NOC2L: variants seen among roughly 807,000 people sequenced by gnomAD.
The protein encoded by NOC2L is NOC2 like nucleolar associated transcriptional repressor.
In NOC2L, 101 loss-of-function variants were observed where a neutral mutation model predicts 94.2. The ratio of observed to expected loss-of-function variants is 1.07; its 90% CI spans 0.91 to 1.26. NOC2L has a LOEUF of 1.26. Among genes scored for constraint, NOC2L ranks in the 50% most tolerant of loss-of-function variants. The pLI is 0.00. For missense variants in NOC2L, 1,076 were observed against 980.1 expected (o/e 1.10, Z -1.31); for synonymous variants, 531 against 413.4 (o/e 1.28, Z -3.45).
chr1:954,193 A>AC lies in NOC2L; in HGVS notation c.699-112dup, dbSNP rs573038640. The AC allele has an allele frequency of 6.8e-4, 650 of 954,052 alleles. 5 individuals carry two copies. In the African/African-American group the frequency reaches 9.2e-3, roughly 14 times the overall value. The allele number at this position is 954,052 out of a possible 1,614,324, so 59.1% of individuals were successfully genotyped here. The stretch of plus-strand genomic sequence containing the variant: ...GCATAGCCTCTACGACTCTGCAGAG[A>AC]CCCCCCGTCTCTCCACTCAAAAAAG... On this transcript the variant is annotated intron_variant, in intron 6 of 18. Coordinates refer to ENST00000327044, the MANE Select transcript of NOC2L (RefSeq NM_015658.4).
At position 944,715 on chromosome 1, in the gene NOC2L, C is replaced by G; in HGVS notation, c.2229G>C (p.Leu743=). The change falls in exon 19 of 19, where the codon CTG becomes CTC. Residue 743 remains leucine, a synonymous_variant. Transcript: ENST00000327044. ...AQGPEDELED[L]QLSEDD is the part of the protein sequence containing the mutation. ...TGCCTCAGTCGTCCTCTGAGAGCTGCAGATCCTCCAGCTCGTCCTCCGGCC... is the reference window on the plus strand; with the variant it reads ...TGCCTCAGTCGTCCTCTGAGAGCTGGAGATCCTCCAGCTCGTCCTCCGGCC... 6.3e-7 allele frequency: 1 copy of G among 1,598,414 alleles called. No individual in the cohort carries two copies. Among genetic ancestry groups the G allele is most frequent in the South Asian group, 1.1e-5 (1 of 90,754 alleles).
intron 12 of NOC2L, among the ~76,000 whole-genome samples, chr1:950,394 T>C (rs1178239463): frequency 6.6e-6 from 1 of 151,814 alleles, no homozygotes; most frequent in Non-Finnish European, 1.5e-5. Flanking sequence ...CGCAAATGCA[T>C]GCACACAGGT....
chr1:954,221 CA>C (rs1642339265), intron 6 of NOC2L, 139 bp from the exon 7 acceptor site: 1 of 736,878 alleles, frequency 1.4e-6, no homozygotes, highest in Non-Finnish European at 2.2e-6. Flanking sequence ...CAAAAAAGCT[CA>C]GGGCCCCTTA....
At chr1:953,688 C>A in intron 8 of NOC2L, 94 bp downstream of exon 8, 2 of 933,898 alleles carry the variant, frequency 2.1e-6, no homozygotes, top group Non-Finnish European at 3.4e-6. Flanking sequence ...GTGTGGGCAC[C>A]ACCTGTGCCC....
chr1:954,349 G>A (rs191467855), intron 6 of NOC2L: 108 of 440,444 alleles, frequency 2.5e-4, no homozygotes, highest in East Asian at 1.4e-3. Context: ...AAGAGTCCCC[G>A]GAAGTCCCAG....
At chr1:948,903 C>T (rs1164436812) in intron 12 of NOC2L, among the ~76,000 whole-genome samples, 4 of 152,128 alleles carry the variant, frequency 2.6e-5, no homozygotes, top group East Asian at 3.9e-4. Context: ...TAAGGACCCA[C>T]GTCTGGAGAC....
chr1:952,990 C>T (rs774814094), intron 9 of NOC2L, among the ~76,000 whole-genome samples, 185 bp downstream of exon 9: 1 of 152,142 alleles, frequency 6.6e-6, no homozygotes, highest in Non-Finnish European at 1.5e-5. Context: ...AGGCCGAGGG[C>T]TCTCTTCCCT....
At chr1:957,362 A>G (rs1642439010) in intron 2 of NOC2L, 89 bp from the exon 3 acceptor site, 1 of 1,327,940 alleles carries the variant, frequency 7.5e-7, no homozygotes, top group African/African-American at 1.5e-5. Context: ...TCCCTTCACA[A>G]GGGTTACCAA....
At chr1:951,278 T>C in intron 11 of NOC2L, 40 bp from the exon 12 acceptor site, 2 of 1,438,912 alleles carry the variant, frequency 1.4e-6, no homozygotes, top group South Asian at 1.2e-5. Flanking sequence ...GCCCCGGCTC[T>C]GGCAGCCCCT....
chr1:957,363 G>C (rs1642439206), intron 2 of NOC2L, 90 bp from the exon 3 acceptor site: 2 of 1,326,338 alleles, frequency 1.5e-6, no homozygotes, highest in Non-Finnish European at 2.1e-6. Flanking sequence ...CCCTTCACAA[G>C]GGTTACCAAC....
chr1:957,302 T>C (rs371808085), intron 2 of NOC2L, 29 bp from the exon 3 acceptor site: 1 of 1,609,730 alleles, frequency 6.2e-7, no homozygotes, highest in Admixed American at 1.7e-5. Flanking sequence ...GCGACCCCAG[T>C]GGGAAGTGGA....
intron 18 of NOC2L, 109 bp from the exon 19 acceptor site, chr1:944,909 G>C: frequency 7.2e-7 from 1 of 1,395,376 alleles, no homozygotes; most frequent in Non-Finnish European, 9.9e-7. Context: ...TATCCCTGTT[G>C]CTGGCTGCCA....
At chr1:948,847 G>T (rs1290797495) in intron 12 of NOC2L, among the ~76,000 whole-genome samples, 1 of 152,126 alleles carries the variant, frequency 6.6e-6, no homozygotes, top group East Asian at 1.9e-4. Context: ...TGATCAGCAG[G>T]GAAGGATCAG....
Position 951,130 on chromosome 1 carries a change from C to T in NOC2L, c.1440G>A (p.Leu480=), listed in dbSNP as rs766933604. The T allele has an allele frequency of 6.3e-6, 10 of 1,576,022 alleles. No individual in the cohort carries two copies. The East Asian group carries it at 2.3e-4, about 37-fold the overall frequency. ...GAFIPVLPFI[L]EMFQQVDFNR... ...CGCCCACCACAGCCTCACTCACCTC[C>T]AGGATGAAAGGCAGCACCGGGATGA... Residue 480 remains leucine, a synonymous_variant, in exon 12 of 19, where the codon CTG becomes CTA. Coordinates refer to ENST00000327044, the MANE Select transcript of NOC2L (RefSeq NM_015658.4).
In NOC2L at chr1:944,818, G is replaced by C. The variant is rs773943550; in HGVS notation, c.2144-18C>G. ...GTCTCCATCTGCGGGGAGAGATGGA[G>C]GCTACATAAATTTTGCTTTATCAGG... is the stretch of plus-strand genomic sequence containing the variant. On this transcript the variant is annotated intron_variant, in intron 18 of 18. Transcript: ENST00000327044. The C allele has an allele frequency of 1.3e-6, 2 of 1,517,078 alleles. No individual in the cohort carries two copies. Among genetic ancestry groups the C allele is most frequent in the Non-Finnish European group, 1.8e-6 (2 of 1,117,956 alleles). 94.0% of individuals were successfully genotyped at this position (1,517,078 alleles called of 1,614,324 possible). A position where few individuals can be genotyped will look rare whatever the true frequency, so the allele number is the denominator to read the frequency against.
intron 2 of NOC2L, chr1:958,660 T>C (rs1376486598): frequency 4.5e-6 from 3 of 664,034 alleles, no homozygotes; most frequent in Non-Finnish European, 8.3e-6. Context: ...CTGCAGGCGG[T>C]GATTTCACCC....
chr1:944,721 C>G lies in NOC2L; in HGVS notation c.2223G>C (p.Glu741Asp). The stretch of plus-strand genomic sequence containing the variant: ...AGTCGTCCTCTGAGAGCTGCAGATC[C>G]TCCAGCTCGTCCTCCGGCCCCTGGG... Reference protein sequence around the residue: ...QLAQGPEDELEDLQLSEDD With the variant: ...QLAQGPEDELDDLQLSEDD The change falls in exon 19 of 19, where the codon GAG (glutamate) becomes GAC (aspartate). Residue 741 changes from glutamate to aspartate, a missense_variant. Physicochemically the swap from Glu to Asp is conservative, Grantham distance 45. Around this residue, in one of 3 missense-constraint regions of NOC2L, gnomAD observed 615 missense variants for 577.4 expected, o/e 1.07. Coordinates refer to ENST00000327044, the MANE Select transcript of NOC2L (RefSeq NM_015658.4). 6.2e-7 allele frequency: 1 copy of G among 1,600,494 alleles called. No individual in the cohort carries two copies.
chr1:952,526 C>G lies in NOC2L; in HGVS notation c.1077G>C (p.Gln359His). 1 of 1,613,958 alleles carries G rather than the reference C, an allele frequency of 6.2e-7. No individual in the cohort carries two copies. The highest frequency in any genetic ancestry group is 8.5e-7 in the Non-Finnish European group (1 of 1,180,026). ...GGGCCAGCAGCTCCGTCAAGGTCCA[C>G]TGCATGAAACTGATGAAGGGGAGGG... ...PGALPFISFMQWTLTELLALE... is the reference protein window; with the variant it reads ...PGALPFISFMHWTLTELLALE... The change falls in exon 10 of 19, where the codon CAG becomes CAC. Residue 359 changes from glutamine to histidine, a missense_variant. Coordinates refer to ENST00000327044, the MANE Select transcript of NOC2L (RefSeq NM_015658.4).
At chr1:953,313 TG>T in intron 8 of NOC2L, 25 bp from the exon 9 acceptor site, 1 of 1,411,822 alleles carries the variant, frequency 7.1e-7, no homozygotes, top group Non-Finnish European at 1.0e-6. Context: ...ACGTCACTGG[TG>T]GCCCCCCAGC....
Sources: gnomAD v4.1 joint callset for allele counts (sites outside exome capture counted in the v4.1 genomes callset) on GRCh38, gnomAD v4.1.1 for gene constraint, gnomAD v4.1.1 regional missense constraint, MANE v1.5 for transcripts, NCBI Gene and HGNC (gene_info 2026-07-23, HGNC 2026-07-21) for gene names.